CANT1: variants seen among roughly 807,000 people sequenced by gnomAD.
The protein encoded by CANT1 is soluble calcium-activated nucleotidase 1.
CANT1 carries 26 observed loss-of-function variants against 30.0 expected under a neutral mutation model. That is an observed-to-expected ratio of 0.87 (90% CI 0.64 to 1.20). The LOEUF (loss-of-function observed/expected upper bound fraction) is 1.20, where lower values mean the gene tolerates loss of function less well. Ranked by LOEUF, CANT1 falls within the 50% of genes most tolerant of loss-of-function variation. The pLI, the probability that CANT1 is intolerant of heterozygous loss-of-function variation, is 0.00. For synonymous variants in CANT1, 246 were observed against 251.8 expected (o/e 0.98, Z 0.22); for missense variants, 518 against 563.0 (o/e 0.92, Z 0.81).
rs1460111679 is a variant in CANT1 at position 78,995,950 on chromosome 17, T to C, written c.632-729A>G. ...GGTCTGCTTGTGCGATGAGACATTCTCCATGCCAGGGTCTTCCATCCCTCC... is the reference window on the plus strand; with the variant it reads ...GGTCTGCTTGTGCGATGAGACATTCCCCATGCCAGGGTCTTCCATCCCTCC... On this transcript the variant is annotated intron_variant, in intron 3 of 4. Coordinates refer to ENST00000392446, the MANE Select transcript of CANT1 (RefSeq NM_001159773.2). The surrounding 1 kb of genome is among the most constrained non-coding windows in gnomAD (Gnocchi z 5.7). 6.6e-6 allele frequency among the ~76,000 whole-genome samples: 1 copy of C among 152,032 alleles called. No homozygotes were observed. The highest frequency in any genetic ancestry group is 1.9e-4 in the East Asian group (1 of 5,154).
intron 1 of CANT1, among the ~76,000 whole-genome samples, chr17:79,004,011 A>G (rs1349580094): frequency 3.1e-4 from 9 of 29,382 alleles, no homozygotes; most frequent in Non-Finnish European, 4.1e-4. Flanking sequence ...GGGAGTTAGG[A>G]AGAGGGGAGT....
chr17:79,008,178 T>C lies in CANT1; in HGVS notation c.-147+1486A>G, dbSNP rs1230862374. On this transcript the variant is annotated intron_variant, in intron 1 of 4. Transcript: ENST00000392446. The surrounding 1 kb of genome is among the most constrained non-coding windows in gnomAD (Gnocchi z 4.4). ...CTTTCAGCAGGGGCGTGTGCTAGGA[T>C]AGAGGGCTCATTGAGGCCAGCAGGG... The C allele has an allele frequency of 6.6e-6, 1 of 152,236 alleles. No homozygotes were observed. Among genetic ancestry groups the C allele is most frequent in the Non-Finnish European group, 1.5e-5 (1 of 68,122 alleles). 9.4% of individuals were successfully genotyped at this position (152,236 alleles called of 1,614,324 possible).
Position 78,996,987 on chromosome 17 carries a change from G to A in CANT1, c.631+5C>T, listed in dbSNP as rs2071055199. The A allele has an allele frequency of 6.2e-7, 1 of 1,613,916 alleles. No homozygotes were observed. The highest frequency in any genetic ancestry group is 8.5e-7 in the Non-Finnish European group (1 of 1,180,042). On this transcript the variant is annotated splice_donor_5th_base_variant and intron_variant, in intron 3 of 4. Coordinates refer to ENST00000392446, the MANE Select transcript of CANT1 (RefSeq NM_001159773.2). This position sits in a 1 kb window ranked among gnomAD's most constrained non-coding sequence, Gnocchi z 5.1. The stretch of plus-strand genomic sequence containing the variant: ...CACCTCCATAAAACCTCAGGGTCCA[G>A]TTACCTTTCTCCACGGTGCCGTCGC...
At chr17:79,005,195 G>T (rs1178961080) in intron 1 of CANT1, among the ~76,000 whole-genome samples, 1 of 139,554 alleles carries the variant, frequency 7.2e-6, no homozygotes, top group African/African-American at 2.8e-5. Flanking sequence ...AAGGGAGTTA[G>T]GGAGAGGGGA....
At position 78,996,663 on chromosome 17, in the gene CANT1, T is replaced by C. The variant is rs185352965; in HGVS notation, c.631+329A>G. Among the ~76,000 whole-genome samples, 205 of 152,164 alleles carry C rather than the reference T, an allele frequency of 1.3e-3. No homozygotes were observed. The highest frequency in any genetic ancestry group is 3.7e-3 in the African/African-American group (154 of 41,494). The stretch of plus-strand genomic sequence containing the variant: ...CATCCTAGCGTGGTCTTGAGAACCT[T>C]TGAAGGTGTAAAAAGGGCGTGTTCC... On this transcript the variant is annotated intron_variant, in intron 3 of 4. Coordinates refer to ENST00000392446, the MANE Select transcript of CANT1 (RefSeq NM_001159773.2). The surrounding 1 kb of genome is among the most constrained non-coding windows in gnomAD (Gnocchi z 5.1).
chr17:78,993,771 C>T lies in CANT1; in HGVS notation c.985G>A (p.Asp329Asn), dbSNP rs201945398. ...LLLSASPDFG[D>N]IAVSHVGAVV... ...GCCCCGACGTGGCTCACAGCGATGT[C>T]GCCGAAGTCAGGGGAGGCGCTCAGC... The change falls in exon 5 of 5, where the codon GAC (aspartate) becomes AAC (asparagine). Residue 329 changes from aspartate to asparagine, a missense_variant. Asp to Asn is a conservative substitution (Grantham distance 23). Around this residue, in one of 3 missense-constraint regions of CANT1, gnomAD observed 221 missense variants for 211.8 expected, o/e 1.04. Transcript: ENST00000392446. The surrounding 1 kb of genome is among the most constrained non-coding windows in gnomAD (Gnocchi z 4.5). 5.0e-6 allele frequency: 8 copies of T among 1,613,032 alleles called. 1 individual carries two copies. In the African/African-American group the frequency reaches 8.0e-5, roughly 16 times the overall value.
rs549240778 is a variant in CANT1 at position 78,997,002 on chromosome 17, G to A, written c.621C>T (p.Thr207=). The change falls in exon 3 of 5, where the codon ACC becomes ACT. Residue 207 remains threonine, a synonymous_variant. Coordinates refer to ENST00000392446, the MANE Select transcript of CANT1 (RefSeq NM_001159773.2). This position sits in a 1 kb window ranked among gnomAD's most constrained non-coding sequence, Gnocchi z 7.5. Reference sequence around the variant, plus strand: ...TCAGGGTCCAGTTACCTTTCTCCACGGTGCCGTCGCCGTCGGACAGAATCA... The same window carrying A: ...TCAGGGTCCAGTTACCTTTCTCCACAGTGCCGTCGCCGTCGGACAGAATCA... ...PWVILSDGDG[T]VEKGFKAEWL... 50 of 1,614,090 alleles carry A rather than the reference G, an allele frequency of 3.1e-5. 2 individuals are homozygous for A. Among genetic ancestry groups the A allele is most frequent in the African/African-American group, 1.5e-4 (11 of 75,040 alleles).
At chr17:78,994,934 T>C in intron 4 of CANT1, 84 bp downstream of exon 4, 2 of 1,425,686 alleles carry the variant, frequency 1.4e-6, no homozygotes, top group Non-Finnish European at 1.9e-6. Context: ...AAAAAACGGT[T>C]TTGGAGGCAA....
At chr17:79,006,536 T>C (rs2071558055) in intron 1 of CANT1, among the ~76,000 whole-genome samples, 1 of 152,180 alleles carries the variant, frequency 6.6e-6, no homozygotes, top group South Asian at 2.1e-4. Flanking sequence ...CTCCAGGTTT[T>C]TCCAAGGGCC....
Position 78,993,685 on chromosome 17 carries a change from G to GATCT in CANT1, c.1067_1070dup (p.Ile358AspfsTer94). On this transcript the variant is annotated frameshift_variant, in exon 5 of 5. Transcript: ENST00000392446. LOFTEE classifies it high-confidence loss of function. The surrounding 1 kb of genome is among the most constrained non-coding windows in gnomAD (Gnocchi z 4.5). The stretch of plus-strand genomic sequence containing the variant: ...CCTCCTCGGATTTGAGGGCCACAAT[G>GATCT]ATCTGGTCGTCGGTGTTGGGGATGA... 6.2e-7 allele frequency: 1 copy of GATCT among 1,614,256 alleles called. No homozygotes were observed. Among genetic ancestry groups the GATCT allele is most frequent in the Non-Finnish European group, 8.5e-7 (1 of 1,180,054 alleles).
intron 1 of CANT1, among the ~76,000 whole-genome samples, chr17:79,003,427 TA>T (rs2071336999): frequency 7.8e-6 from 1 of 128,074 alleles, no homozygotes; most frequent in South Asian, 2.6e-4. Flanking sequence ...GCATGTTCTT[TA>T]AAAAGCTGGG....
Position 79,008,581 on chromosome 17 carries a change from C to G in CANT1, c.-147+1083G>C, listed in dbSNP as rs1292843862. On this transcript the variant is annotated intron_variant, in intron 1 of 4. Transcript: ENST00000392446. This position sits in a 1 kb window ranked among gnomAD's most constrained non-coding sequence, Gnocchi z 4.4. ...TAAAATAAGAAATGGAGCTGGGACACTAAGAGACGGCTTTTCCAGGGGTCA... is the reference window on the plus strand; with the variant it reads ...TAAAATAAGAAATGGAGCTGGGACAGTAAGAGACGGCTTTTCCAGGGGTCA... Among the ~76,000 whole-genome samples the G allele has an allele frequency of 6.6e-6, 1 of 152,194 alleles. No homozygotes were observed. Among genetic ancestry groups the G allele is most frequent in the Admixed American group, 6.5e-5 (1 of 15,276 alleles).
intron 1 of CANT1, among the ~76,000 whole-genome samples, chr17:78,999,455 T>C (rs2071164456): frequency 6.6e-6 from 1 of 152,104 alleles, no homozygotes; most frequent in South Asian, 2.1e-4. Context: ...CGAATTACTC[T>C]ATCTTACCTG....
At position 78,993,599 on chromosome 17, in the gene CANT1, G is replaced by C. The variant is rs369580248; in HGVS notation, c.1157C>G (p.Pro386Arg). The C allele has an allele frequency of 1.9e-6, 3 of 1,614,114 alleles. No individual in the cohort carries two copies. The highest frequency in any genetic ancestry group is 1.3e-5 in the African/African-American group (1 of 74,948). ...AFTLDGRFLL[P>R]ETKIGSVKYE... The stretch of plus-strand genomic sequence containing the variant: ...TTTCACGCTTCCGATCTTGGTCTCC[G>C]GCAACAGGAAGCGCCCGTCCAGCGT... Residue 386 changes from proline (P) to arginine (R), a missense_variant, in exon 5 of 5, where the codon CCG (proline) becomes CGG (arginine). Around this residue, in one of 3 missense-constraint regions of CANT1, gnomAD observed 221 missense variants for 211.8 expected, o/e 1.04. Coordinates refer to ENST00000392446, the MANE Select transcript of CANT1 (RefSeq NM_001159773.2). The surrounding 1 kb of genome is among the most constrained non-coding windows in gnomAD (Gnocchi z 4.5).
In CANT1 at chr17:78,998,611, C is replaced by T. The variant is rs532626825; in HGVS notation, c.-146-648G>A. Among the ~76,000 whole-genome samples the T allele has an allele frequency of 2.0e-4, 31 of 152,248 alleles. No homozygotes were observed. The highest frequency in any genetic ancestry group is 4.1e-4 in the South Asian group (2 of 4,832). On this transcript the variant is annotated intron_variant, in intron 1 of 4. Coordinates refer to ENST00000392446, the MANE Select transcript of CANT1 (RefSeq NM_001159773.2). The surrounding 1 kb of genome is among the most constrained non-coding windows in gnomAD (Gnocchi z 4.5). ...AGGAACTGCAGCCCTTCACTGCTGTCGCCAAGCCCACTTCCCGGGCATACA... is the reference window on the plus strand; with the variant it reads ...AGGAACTGCAGCCCTTCACTGCTGTTGCCAAGCCCACTTCCCGGGCATACA...
chr17:78,999,558 C>T (rs757536786), intron 1 of CANT1, among the ~76,000 whole-genome samples: 2 of 152,088 alleles, frequency 1.3e-5, no homozygotes, highest in African/African-American at 2.4e-5. Flanking sequence ...TCACTGCAGC[C>T]TCAACCTCTG....
At position 78,993,819 on chromosome 17, in the gene CANT1, C is replaced by A; in HGVS notation, c.937G>T (p.Glu313Ter). ...SQERYSEKDD[E>*]RKGANLLLSA... Reference sequence around the variant, plus strand: ...AGCAGCAGGTTGGCGCCCTTGCGCTCGTCGTCCTTCTCGCTGTAGCGCTCC... The same window carrying A: ...AGCAGCAGGTTGGCGCCCTTGCGCTAGTCGTCCTTCTCGCTGTAGCGCTCC... Residue 313 changes from glutamate (E) to a stop codon, truncating the protein, a stop_gained, in exon 5 of 5, where the codon GAG becomes TAG. Transcript: ENST00000392446. LOFTEE classifies it high-confidence loss of function. The surrounding 1 kb of genome is among the most constrained non-coding windows in gnomAD (Gnocchi z 4.5). 1 of 1,606,544 alleles carries A rather than the reference C, an allele frequency of 6.2e-7. No homozygotes were observed. The highest frequency in any genetic ancestry group is 1.1e-5 in the South Asian group (1 of 90,948).
intron 1 of CANT1, among the ~76,000 whole-genome samples, chr17:79,000,822 G>A (rs952782670): frequency 1.3e-5 from 2 of 152,144 alleles, no homozygotes; most frequent in African/African-American, 4.8e-5. Flanking sequence ...CTCCCATGCC[G>A]CTCCGGCTCT....
At position 78,992,941 on chromosome 17, in the gene CANT1, T is replaced by G. The variant is rs562325119; in HGVS notation, c.*609A>C. ...GGTCACTGGCCATATGATGCGGAGA[T>G]GGTTTTATCTGAGGCCTGAGAACCA... On this transcript the variant is annotated 3_prime_UTR_variant, in exon 5 of 5. Transcript: ENST00000392446. 3 of 357,608 alleles carry G rather than the reference T, an allele frequency of 8.4e-6. No individual in the cohort carries two copies. The highest frequency in any genetic ancestry group is 6.1e-5 in the African/African-American group (3 of 49,210). The allele number at this position is 357,608 out of a possible 1,614,324, so 22.2% of individuals were successfully genotyped here.
Sources: gnomAD v4.1 joint callset for allele counts (sites outside exome capture counted in the v4.1 genomes callset) on GRCh38, gnomAD v4.1.1 for gene constraint, gnomAD v4.1.1 regional missense constraint, Gnocchi (gnomAD v3.1) non-coding constraint, MANE v1.5 for transcripts, NCBI Gene and HGNC (gene_info 2026-07-23, HGNC 2026-07-21) for gene names.